CHLSN: variants seen among roughly 807,000 people sequenced by gnomAD.
CHLSN encodes protein cholesin.
At chr7:1,053,814 G>A in the CHLSN span, among the ~76,000 whole-genome samples, 15 of 152,266 alleles carry the variant, frequency 9.9e-5, no homozygotes, top group African/African-American at 2.6e-4. Flanking sequence ...GCAACAGAGC[G>A]AGACTCCATC....
chr7:1,127,628 G>C, the CHLSN span, among the ~76,000 whole-genome samples: 1 of 143,570 alleles, frequency 7.0e-6, no homozygotes, highest in Non-Finnish European at 1.5e-5. Flanking sequence ...GCCTCACTCT[G>C]TCACCCAGGC....
the CHLSN span, among the ~76,000 whole-genome samples, chr7:1,096,388 G>A: frequency 6.6e-6 from 1 of 152,194 alleles, no homozygotes; most frequent in Non-Finnish European, 1.5e-5. The surrounding 1 kb of genome is among the most constrained non-coding windows in gnomAD (Gnocchi z 4.6). Context: ...AGGTCCCCAC[G>A]CAGTAGAGCC....
the CHLSN span, among the ~76,000 whole-genome samples, chr7:1,009,359 T>C: frequency 6.6e-6 from 1 of 152,162 alleles, no homozygotes; most frequent in African/African-American, 2.4e-5. Flanking sequence ...GGCAGCAGCC[T>C]GTGCTGGTAA....
chr7:1,085,026 A>G, the CHLSN span, among the ~76,000 whole-genome samples: 2 of 152,344 alleles, frequency 1.3e-5, no homozygotes, highest in African/African-American at 4.8e-5. Context: ...GCCTCTCAGC[A>G]CAAGGACTGG....
the CHLSN span, among the ~76,000 whole-genome samples, chr7:993,024 G>T: frequency 2.6e-5 from 4 of 152,170 alleles, no homozygotes; most frequent in African/African-American, 9.7e-5. Context: ...CCATGGCTCT[G>T]GACTGCTGGG....
the CHLSN span, among the ~76,000 whole-genome samples, chr7:1,001,467 G>C: frequency 7.0e-6 from 1 of 142,828 alleles, no homozygotes; most frequent in Non-Finnish European, 1.5e-5. Flanking sequence ...CTGTGGGTGG[G>C]GAGTCCTGTG....
At chr7:1,041,218 A>G in the CHLSN span, among the ~76,000 whole-genome samples, 1 of 145,986 alleles carries the variant, frequency 6.8e-6, no homozygotes, top group Non-Finnish European at 1.5e-5. Flanking sequence ...AGGGAACGGG[A>G]CCTGGGCTCC....
At chr7:1,050,099 G>A in the CHLSN span, among the ~76,000 whole-genome samples, 1 of 152,266 alleles carries the variant, frequency 6.6e-6, no homozygotes, top group Non-Finnish European at 1.5e-5. Flanking sequence ...AGGGTCTTCT[G>A]CAGTGTGAGA....
chr7:1,097,475 A>G, the CHLSN span, among the ~76,000 whole-genome samples: 4 of 152,304 alleles, frequency 2.6e-5, no homozygotes, highest in East Asian at 1.9e-4. The surrounding 1 kb of genome is among the most constrained non-coding windows in gnomAD (Gnocchi z 4.3). Flanking sequence ...AACAACAAAC[A>G]GACCTAATAT....
At chr7:1,063,893 C>T in the CHLSN span, among the ~76,000 whole-genome samples, 1 of 152,182 alleles carries the variant, frequency 6.6e-6, no homozygotes, top group African/African-American at 2.4e-5. Flanking sequence ...GAAGGGCGAG[C>T]TCTACCACAC....
At chr7:1,050,801 C>T in the CHLSN span, among the ~76,000 whole-genome samples, 4 of 152,334 alleles carry the variant, frequency 2.6e-5, no homozygotes, top group South Asian at 2.1e-4. Flanking sequence ...GACCCAGAGA[C>T]GGGCACACCG....
chr7:1,125,358 G>A, the CHLSN span, among the ~76,000 whole-genome samples: 1 of 152,182 alleles, frequency 6.6e-6, no homozygotes, highest in African/African-American at 2.4e-5. Flanking sequence ...ATGAAAAACA[G>A]GGCCACCTGC....
the CHLSN span, chr7:1,127,252 C>G: frequency 6.3e-7 from 1 of 1,593,984 alleles, no homozygotes; most frequent in Non-Finnish European, 8.5e-7. Flanking sequence ...CACAGGCGGC[C>G]TTACCTTGGA....
chr7:1,023,037 G>A, the CHLSN span: 4 of 454,648 alleles, frequency 8.8e-6, no homozygotes, highest in East Asian at 6.9e-5. The surrounding 1 kb of genome is among the most constrained non-coding windows in gnomAD (Gnocchi z 5.0). Flanking sequence ...CCCCTGCGGA[G>A]CACAGGACGC....
chr7:1,127,658 C>A, the CHLSN span, among the ~76,000 whole-genome samples: 2 of 74,008 alleles, frequency 2.7e-5, no homozygotes, highest in African/African-American at 6.8e-5. Context: ...GTGGCACAAT[C>A]TCGGCTCATC....
chr7:1,002,520 G>A, the CHLSN span, among the ~76,000 whole-genome samples: 4 of 90,218 alleles, frequency 4.4e-5, no homozygotes, highest in South Asian at 4.7e-4. Context: ...TGTGGGTGGG[G>A]AGTCCTGTGG....
the CHLSN span, among the ~76,000 whole-genome samples, chr7:1,071,006 G>C: frequency 6.9e-6 from 1 of 145,960 alleles, no homozygotes; most frequent in Non-Finnish European, 1.6e-5. Flanking sequence ...ACGTGCACAC[G>C]CACATGCACA....
chr7:1,106,619 G>A, the CHLSN span, among the ~76,000 whole-genome samples: 76 of 152,362 alleles, frequency 5.0e-4, no homozygotes, highest in African/African-American at 1.8e-3. Context: ...GCAGCCTGGT[G>A]AGGGTGACGG....
At chr7:1,022,824 T>G in the CHLSN span, 1 of 314,784 alleles carries the variant, frequency 3.2e-6, no homozygotes, top group Admixed American at 4.3e-5. Context: ...CCCTTCCATG[T>G]TGATACCGAA....
Sources: allele counts gnomAD v4.1 joint callset (sites outside exome capture counted in the v4.1 genomes callset), GRCh38; gene constraint gnomAD v4.1.1; non-coding constraint Gnocchi (gnomAD v3.1); transcripts MANE v1.5; gene names NCBI Gene and HGNC (gene_info 2026-07-23, HGNC 2026-07-21).